The following CGGBP1 variants were observed in gnomAD, a reference collection of about 807,000 sequenced individuals.
The protein encoded by CGGBP1 is CGG triplet repeat-binding protein 1.
CGGBP1 carries 4 observed loss-of-function variants against 11.4 expected under a neutral mutation model. The ratio of observed to expected loss-of-function variants is 0.35; its 90% confidence interval spans 0.17 to 0.80. CGGBP1 has a LOEUF of 0.80. CGGBP1 is among the 30% of genes least tolerant of loss of function. The pLI is 0.52. For synonymous variants in CGGBP1, 76 were observed against 74.1 expected (o/e 1.03, Z -0.13); for missense variants, 135 against 202.1 (o/e 0.67, Z 2.01).
chr3:88,099,169 C>A (rs1190535614), intron 2 of CGGBP1, among the ~76,000 whole-genome samples: 2 of 152,168 alleles, frequency 1.3e-5, no homozygotes, highest in Non-Finnish European at 2.9e-5. Flanking sequence ...GCAAAAATCA[C>A]AAGCATTCCT....
At chr3:88,080,803 G>T (rs1020171231) in intron 2 of CGGBP1, among the ~76,000 whole-genome samples, 1 of 152,178 alleles carries the variant, frequency 6.6e-6, no homozygotes, top group Non-Finnish European at 1.5e-5. Context: ...TGAGGGAAAA[G>T]GTTGGAACAG....
At chr3:88,127,424 G>A (rs2107827284) in intron 2 of CGGBP1, among the ~76,000 whole-genome samples, 1 of 139,144 alleles carries the variant, frequency 7.2e-6, no homozygotes, top group African/African-American at 2.6e-5. Flanking sequence ...GGTGTTTGAT[G>A]TGTGGATCTT....
intron 2 of CGGBP1, among the ~76,000 whole-genome samples, chr3:88,098,659 A>C (rs1368623357): frequency 6.6e-6 from 1 of 152,200 alleles, no homozygotes; most frequent in East Asian, 1.9e-4. Flanking sequence ...CATCCCTGGG[A>C]TGCAAGGCTG....
chr3:88,126,267 T>C (rs1215700430), intron 2 of CGGBP1: 3 of 1,506,200 alleles, frequency 2.0e-6, no homozygotes, highest in Admixed American at 2.1e-5. Flanking sequence ...TCTCAGGAGA[T>C]AGGTACTTCA....
chr3:88,077,717 A>G (rs1707890131), intron 2 of CGGBP1, among the ~76,000 whole-genome samples: 1 of 152,216 alleles, frequency 6.6e-6, no homozygotes, highest in Non-Finnish European at 1.5e-5. Context: ...AAACTGACAG[A>G]ATGCAATTTA....
intron 3 of CGGBP1, chr3:88,056,289 G>T: frequency 4.4e-6 from 1 of 225,372 alleles, no homozygotes; most frequent in Non-Finnish European, 8.7e-6. Flanking sequence ...CCATTATTTA[G>T]GGAAACCTAA....
chr3:88,091,625 T>C (rs1219605007), intron 2 of CGGBP1, among the ~76,000 whole-genome samples: 3 of 152,302 alleles, frequency 2.0e-5, no homozygotes, highest in Non-Finnish European at 2.9e-5. Context: ...TCATCTTGAA[T>C]TGTAGCTTCC....
chr3:88,109,171 G>C (rs1704935845), intron 2 of CGGBP1, among the ~76,000 whole-genome samples: 1 of 151,588 alleles, frequency 6.6e-6, no homozygotes, highest in African/African-American at 2.4e-5. Flanking sequence ...GTGTGTGTGT[G>C]TGTGTGTGTA....
chr3:88,135,938 T>A (rs1459765975), intron 2 of CGGBP1, among the ~76,000 whole-genome samples: 1 of 152,160 alleles, frequency 6.6e-6, no homozygotes, highest in Non-Finnish European at 1.5e-5. Flanking sequence ...TTAATTTTTT[T>A]ATGTATTTAT....
Position 88,080,315 on chromosome 3 carries a change from C to T in CGGBP1, c.-228-22092G>A, listed in dbSNP as rs368917621. Reference sequence around the variant, plus strand: ...GTTCATACTGATGTAATGAAATTGTCACTAAAGCAAGCTTAATTTTGTTGT... The same window carrying T: ...GTTCATACTGATGTAATGAAATTGTTACTAAAGCAAGCTTAATTTTGTTGT... On this transcript the variant is annotated intron_variant, in intron 2 of 3. Transcript: ENST00000462901. 1.4e-3 allele frequency among the ~76,000 whole-genome samples: 209 copies of T among 152,160 alleles called. 4 individuals are homozygous for T. The highest frequency in any genetic ancestry group is 4.8e-3 in the African/African-American group (199 of 41,528).
chr3:88,148,015 C>T (rs1404300001), intron 1 of CGGBP1, among the ~76,000 whole-genome samples: 2 of 152,222 alleles, frequency 1.3e-5, no homozygotes, highest in Non-Finnish European at 2.9e-5. Context: ...ATTGCCTCCT[C>T]CTTGCTCAAA....
chr3:88,073,448 G>A (rs1233842470), intron 2 of CGGBP1, among the ~76,000 whole-genome samples: 1 of 152,160 alleles, frequency 6.6e-6, no homozygotes, highest in African/African-American at 2.4e-5. Context: ...ACCACAGGAG[G>A]TAAAGAATGA....
At chr3:88,136,314 A>G (rs1399321727) in intron 2 of CGGBP1, among the ~76,000 whole-genome samples, 2 of 152,182 alleles carry the variant, frequency 1.3e-5, no homozygotes, top group East Asian at 1.9e-4. Context: ...ATGTGGGGTA[A>G]ACCTGCAAAT....
chr3:88,144,011 G>T (rs1707245502), intron 1 of CGGBP1: 1 of 152,076 alleles, frequency 6.6e-6, no homozygotes, highest in Non-Finnish European at 1.5e-5. Context: ...CTTTTTTTCT[G>T]TTTTGAGGAT....
chr3:88,093,340 T>C (rs1703861909), intron 2 of CGGBP1, among the ~76,000 whole-genome samples: 1 of 152,144 alleles, frequency 6.6e-6, no homozygotes, highest in African/African-American at 2.4e-5. Context: ...GAAAAGCAAA[T>C]TGTAATGCTG....
intron 2 of CGGBP1, chr3:88,139,264 C>G (rs765796630): frequency 2.6e-6 from 4 of 1,538,974 alleles, no homozygotes; most frequent in Non-Finnish European, 3.5e-6. Context: ...AATCTTACAG[C>G]TCTCAGTACT....
intron 2 of CGGBP1, among the ~76,000 whole-genome samples, chr3:88,092,967 G>C (rs1195526699): frequency 6.6e-6 from 1 of 152,154 alleles, no homozygotes; most frequent in Non-Finnish European, 1.5e-5. Context: ...TGTTATTTCA[G>C]ATGTTACAGA....
At chr3:88,059,221 G>GA, upstream of CGGBP1, 2 of 1,491,300 alleles carry the variant, frequency 1.3e-6, no homozygotes, top group Non-Finnish European at 1.8e-6. Context: ...AGGGAGGAGG[G>GA]AAGGGGGAGG....
chr3:88,092,768 T>C (rs1242586279), intron 2 of CGGBP1, among the ~76,000 whole-genome samples: 1 of 152,204 alleles, frequency 6.6e-6, no homozygotes, highest in Non-Finnish European at 1.5e-5. Flanking sequence ...ATGGAAAAAT[T>C]GTAAGTTACT....
Sources: gnomAD v4.1 joint callset for allele counts (sites outside exome capture counted in the v4.1 genomes callset) on GRCh38, gnomAD v4.1.1 for gene constraint, MANE v1.5 for transcripts, NCBI Gene and HGNC (gene_info 2026-07-23, HGNC 2026-07-21) for gene names.